The following LGR4 variants were observed in gnomAD, a reference collection of about 807,000 sequenced individuals.
LGR4 encodes leucine-rich repeat-containing G protein-coupled receptor 4.
LGR4 carries 44 observed loss-of-function variants against 84.8 expected under a neutral mutation model. The ratio of observed to expected loss-of-function variants is 0.52; its 90% CI spans 0.41 to 0.67. The LOEUF (loss-of-function observed/expected upper bound fraction) is 0.67, where lower values mean the gene tolerates loss of function less well. LGR4 is among the 30% of genes least tolerant of loss of function. The pLI, the probability that LGR4 is intolerant of heterozygous loss-of-function variation, is 0.00. For synonymous variants in LGR4, 429 were observed against 434.3 expected (o/e 0.99, Z 0.15); for missense variants, 1,032 against 1,131.4 (o/e 0.91, Z 1.26).
At chr11:27,450,056 A>G (rs1221595035) in intron 1 of LGR4, among the ~76,000 whole-genome samples, 2 of 152,222 alleles carry the variant, frequency 1.3e-5, no homozygotes, top group African/African-American at 4.8e-5. Context: ...TGAATGTGAT[A>G]TTCTGCTTTC....
At chr11:27,439,725 G>A (rs2133430220) in intron 1 of LGR4, among the ~76,000 whole-genome samples, 1 of 152,142 alleles carries the variant, frequency 6.6e-6, no homozygotes, top group Admixed American at 6.5e-5. Flanking sequence ...CTCAATAGCA[G>A]AAGTTTTCTT....
At chr11:27,385,815 C>CAAA (rs66507121) in intron 4 of LGR4, among the ~76,000 whole-genome samples, 10,294 of 146,810 alleles carry the variant, frequency 0.07, 374 homozygotes, top group Non-Finnish European at 0.086. Flanking sequence ...ATCAGGCATA[C>CAAA]AAAAAAAAAA....
chr11:27,397,770 G>T (rs564019805), intron 2 of LGR4, among the ~76,000 whole-genome samples: 1 of 152,138 alleles, frequency 6.6e-6, no homozygotes, highest in Admixed American at 6.5e-5. Flanking sequence ...CTCAACACAC[G>T]CTGTGTTGTG....
At chr11:27,442,582 C>A (rs1026888111) in intron 1 of LGR4, among the ~76,000 whole-genome samples, 25 of 152,118 alleles carry the variant, frequency 1.6e-4, no homozygotes, top group African/African-American at 5.8e-4. Context: ...ATGTTGTCAA[C>A]AACAACGACA....
chr11:27,405,643 C>T (rs180715046), intron 2 of LGR4, among the ~76,000 whole-genome samples: 28 of 152,190 alleles, frequency 1.8e-4, no homozygotes, highest in East Asian at 1.7e-3. Context: ...TGCTAATTTT[C>T]GTCAAAGCAC....
intron 1 of LGR4, among the ~76,000 whole-genome samples, chr11:27,431,108 T>A (rs191082533): frequency 1.3e-5 from 2 of 152,314 alleles, no homozygotes; most frequent in Admixed American, 1.3e-4. Flanking sequence ...TTATTTCCTC[T>A]GTCTAGTTAT....
intron 1 of LGR4, among the ~76,000 whole-genome samples, chr11:27,432,097 T>A (rs549936488): frequency 6.6e-6 from 1 of 152,188 alleles, no homozygotes; most frequent in African/African-American, 2.4e-5. Context: ...AATACTGATC[T>A]ACATAGCAGA....
intron 2 of LGR4, among the ~76,000 whole-genome samples, chr11:27,412,576 T>C (rs904341152): frequency 6.6e-6 from 1 of 152,154 alleles, no homozygotes; most frequent in Non-Finnish European, 1.5e-5. Flanking sequence ...AGCATTTTTT[T>C]AGTTATGGCT....
chr11:27,466,494 T>C (rs1243965069), intron 1 of LGR4, among the ~76,000 whole-genome samples: 1 of 152,194 alleles, frequency 6.6e-6, no homozygotes, highest in Admixed American at 6.5e-5. Flanking sequence ...TCCATTATTA[T>C]AAAGATGACT....
At chr11:27,370,411 A>C (rs993408247) in intron 17 of LGR4, among the ~76,000 whole-genome samples, 7 of 152,196 alleles carry the variant, frequency 4.6e-5, no homozygotes, top group African/African-American at 1.7e-4. Flanking sequence ...ACCTTTTGAG[A>C]ACCCTTTTAT....
chr11:27,394,233 A>T (rs1446283592), intron 2 of LGR4, among the ~76,000 whole-genome samples: 1 of 152,114 alleles, frequency 6.6e-6, no homozygotes, highest in Non-Finnish European at 1.5e-5. Context: ...TTGTGCTGTC[A>T]GCCTTGTAGC....
rs768088862 is a variant in LGR4 at position 27,464,767 on chromosome 11, T to A, written c.185+7351A>T. 1.4e-4 allele frequency among the ~76,000 whole-genome samples: 21 copies of A among 152,296 alleles called. No homozygotes were observed. The South Asian group carries it at 1.7e-3, about 12-fold the overall frequency. ...TAAAAATATAAGGGGATAGAGAGAA[T>A]GTAACTTGTTATTTTTTCTGGATAT... is the stretch of plus-strand genomic sequence containing the variant. On this transcript the variant is annotated intron_variant, in intron 1 of 17. Coordinates refer to ENST00000379214, the MANE Select transcript of LGR4 (RefSeq NM_018490.5).
intron 2 of LGR4, among the ~76,000 whole-genome samples, chr11:27,396,665 G>A (rs1404316740): frequency 2.0e-5 from 3 of 152,156 alleles, no homozygotes; most frequent in Non-Finnish European, 4.4e-5. Flanking sequence ...CTGTGCTATA[G>A]CCAACAGTTT....
intron 7 of LGR4, among the ~76,000 whole-genome samples, chr11:27,381,706 C>CA (rs3085345): frequency 0.24 from 36,098 of 150,316 alleles, 5,349 homozygotes; most frequent in East Asian, 0.44. Context: ...TACAAACAAT[C>CA]AAAAAAAAAA....
chr11:27,397,644 C>T (rs1298597482), intron 2 of LGR4, among the ~76,000 whole-genome samples: 5 of 152,124 alleles, frequency 3.3e-5, no homozygotes, highest in African/African-American at 4.8e-5. Flanking sequence ...GCTAAAGTGT[C>T]GAATGCCAGG....
At position 27,366,096 on chromosome 11, in the gene LGR4, C is replaced by A. The variant is rs1441319816; in HGVS notation, c.*1771G>T. Reference sequence around the variant, plus strand: ...GAATAAAATGAAAAGTTTTCAATAACCTGAATTTTGGAAAAAACCTTTTAA... The same window carrying A: ...GAATAAAATGAAAAGTTTTCAATAAACTGAATTTTGGAAAAAACCTTTTAA... On this transcript the variant is annotated 3_prime_UTR_variant, in exon 18 of 18. Transcript: ENST00000379214. 1 of 152,288 alleles carries A rather than the reference C, an allele frequency of 6.6e-6. No individual in the cohort carries two copies. Among genetic ancestry groups the A allele is most frequent in the African/African-American group, 2.4e-5 (1 of 41,366 alleles). The allele number at this position is 152,288 out of a possible 1,614,324, so 9.4% of individuals were successfully genotyped here. A position where few individuals can be genotyped will look rare whatever the true frequency, so the allele number is the denominator to read the frequency against.
At chr11:27,464,891 GA>G (rs1342916663) in intron 1 of LGR4, among the ~76,000 whole-genome samples, 2 of 146,678 alleles carry the variant, frequency 1.4e-5, no homozygotes, top group East Asian at 2.0e-4. Flanking sequence ...TTAAAACTTT[GA>G]AAAAAAAAAC....
chr11:27,383,670 G>A (rs1863139696), intron 6 of LGR4, among the ~76,000 whole-genome samples: 1 of 151,984 alleles, frequency 6.6e-6, no homozygotes, highest in African/African-American at 2.4e-5. Context: ...CATGTAATTG[G>A]GACCTTCTCT....
At chr11:27,393,448 A>T (rs945069517) in intron 2 of LGR4, among the ~76,000 whole-genome samples, 16 of 152,238 alleles carry the variant, frequency 1.1e-4, no homozygotes, top group Middle Eastern at 3.4e-3. Context: ...GTATATATAT[A>T]TTTTAATGCT....
Sources: gnomAD v4.1 joint callset for allele counts (sites outside exome capture counted in the v4.1 genomes callset) on GRCh38, gnomAD v4.1.1 for gene constraint, MANE v1.5 for transcripts, NCBI Gene and HGNC (gene_info 2026-07-23, HGNC 2026-07-21) for gene names.